The following USH2A variants were observed in gnomAD, a reference collection of about 807,000 sequenced individuals.
The protein encoded by USH2A is Usher syndrome 2A (autosomal recessive, mild).
In USH2A, 443 loss-of-function variants were observed where a neutral mutation model predicts 538.9. The ratio of observed to expected loss-of-function variants is 0.82; its 90% CI spans 0.76 to 0.89. The LOEUF is 0.89. Ranked by LOEUF, USH2A falls within the 40% of genes least tolerant of loss-of-function variation. USH2A has a pLI of 0.00. For synonymous variants in USH2A, 2,413 were observed against 2,273.5 expected, an observed-to-expected ratio of 1.06 and a Z score of -1.75; for missense variants, 6,633 against 6,324.8, an observed-to-expected ratio of 1.05 and a Z score of -1.65.
intron 62 of USH2A, among the ~76,000 whole-genome samples, chr1:215,675,841 A>T (rs1658006451): frequency 6.6e-6 from 1 of 151,414 alleles, no homozygotes; most frequent in African/African-American, 2.4e-5. Flanking sequence ...CTTTTTTTTC[A>T]GTTTGGGAAC....
chr1:215,694,410 A>G (rs1206685182), intron 61 of USH2A, among the ~76,000 whole-genome samples: 2 of 152,126 alleles, frequency 1.3e-5, no homozygotes, highest in Non-Finnish European at 2.9e-5. Flanking sequence ...CGTTTCTACT[A>G]AAAATACCAA....
intron 21 of USH2A, chr1:216,174,547 C>T: frequency 2.0e-6 from 2 of 982,910 alleles, no homozygotes; most frequent in Non-Finnish European, 2.4e-6. Context: ...ATAGTGCTTT[C>T]ACATTGATTT....
chr1:216,407,051 A>G (rs558381890), intron 3 of USH2A, among the ~76,000 whole-genome samples: 148 of 152,122 alleles, frequency 9.7e-4, no homozygotes, highest in African/African-American at 3.4e-3. Context: ...ATCCCTAGCT[A>G]TGTCACATGA....
chr1:215,999,075 A>C lies in USH2A; in HGVS notation c.6486-17T>G, dbSNP rs377684420. On this transcript the variant is annotated splice_polypyrimidine_tract_variant and intron_variant, in intron 33 of 71. Coordinates refer to ENST00000307340, the MANE Select transcript of USH2A (RefSeq NM_206933.4). Reference sequence around the variant, plus strand: ...TGTTTCCACCTGGGAATGGTAAAATACATTATTATCATTCATTCAAGTCAA... The same window carrying C: ...TGTTTCCACCTGGGAATGGTAAAATCCATTATTATCATTCATTCAAGTCAA... 1.9e-5 allele frequency: 30 copies of C among 1,599,282 alleles called. No homozygotes were observed. The highest frequency in any genetic ancestry group is 2.5e-5 in the Non-Finnish European group (29 of 1,167,744).
intron 38 of USH2A, among the ~76,000 whole-genome samples, chr1:215,915,715 C>A: frequency 6.6e-6 from 1 of 151,866 alleles, no homozygotes; most frequent in Non-Finnish European, 1.5e-5. Context: ...ATAAATCATG[C>A]TGCTATAAAG....
Position 215,889,003 on chromosome 1 carries a change from A to T in USH2A, c.7646T>A (p.Met2549Lys). 1.2e-6 allele frequency: 2 copies of T among 1,614,102 alleles called. No homozygotes were observed. Among genetic ancestry groups the T allele is most frequent in the South Asian group, 2.2e-5 (2 of 91,088 alleles). The change falls in exon 41 of 72, where the codon ATG becomes AAG. Residue 2549 changes from methionine (M) to lysine (K), a missense_variant. By Grantham distance (95) the Met-to-Lys change is moderately conservative (BLOSUM62 -1). Transcript: ENST00000307340. ...PILLDVKSRM[M>K]LVTWQHPRKS... ...TCTAGGATGCTGCCAGGTGACCAAC[A>T]TCATTCTTGACTTCACATCCAGAAG...
At chr1:216,414,774 T>C (rs1242394410) in intron 3 of USH2A, among the ~76,000 whole-genome samples, 3 of 152,068 alleles carry the variant, frequency 2.0e-5, no homozygotes, top group Non-Finnish European at 2.9e-5. Context: ...TTTGTGGCCA[T>C]TTGGAAGATG....
intron 37 of USH2A, among the ~76,000 whole-genome samples, chr1:215,946,913 T>G (rs1391628118): frequency 6.6e-6 from 1 of 152,192 alleles, no homozygotes; most frequent in African/African-American, 2.4e-5. Flanking sequence ...AATTGAAATA[T>G]CCTATAAGTG....
intron 21 of USH2A, among the ~76,000 whole-genome samples, chr1:216,151,194 G>A (rs2033824683): frequency 6.6e-6 from 1 of 152,030 alleles, no homozygotes; most frequent in African/African-American, 2.4e-5. Context: ...TACAACCTCT[G>A]ACAGCTGCCG....
chr1:216,206,497 C>T lies in USH2A; in HGVS notation c.3316+776G>A, dbSNP rs191373167. Among the ~76,000 whole-genome samples the T allele has an allele frequency of 2.1e-3, 326 of 152,162 alleles. 4 individuals are homozygous for T. The highest frequency in any genetic ancestry group is 6.8e-3 in the Middle Eastern group (2 of 294). ...TCCTGTTCCTATGAGAATCTCATGC[C>T]GCCACAGAACTGACAGGAGGCAGGG... On this transcript the variant is annotated intron_variant, in intron 16 of 71. Transcript: ENST00000307340.
At position 215,985,860 on chromosome 1, in the gene USH2A, G is replaced by GT. The variant is rs918418565; in HGVS notation, c.6805+7159dup. ...ATAAGCTCAAAACACTGAGCCAAATGTTTTTTTTAAATAACGTTCTATTGT... is the reference window on the plus strand; with the variant it reads ...ATAAGCTCAAAACACTGAGCCAAATGTTTTTTTTTAAATAACGTTCTATTGT... On this transcript the variant is annotated intron_variant, in intron 35 of 71. Transcript: ENST00000307340. 3.5e-3 allele frequency among the ~76,000 whole-genome samples: 526 copies of GT among 151,858 alleles called. 2 individuals are homozygous for GT. The highest frequency in any genetic ancestry group is 0.012 in the African/African-American group (506 of 41,414).
chr1:216,001,924 C>A (rs1447762515), intron 32 of USH2A, among the ~76,000 whole-genome samples: 1 of 152,100 alleles, frequency 6.6e-6, no homozygotes, highest in Non-Finnish European at 1.5e-5. Context: ...TTTGATTAAA[C>A]CTTGTTTTCT....
intron 38 of USH2A, among the ~76,000 whole-genome samples, chr1:215,932,684 T>C (rs1666394682): frequency 6.6e-6 from 1 of 152,002 alleles, no homozygotes; most frequent in African/African-American, 2.4e-5. Context: ...AAGGACTGAC[T>C]CCCAAATTCT....
chr1:216,336,659 A>C (rs1163297026), intron 4 of USH2A, among the ~76,000 whole-genome samples: 1 of 151,472 alleles, frequency 6.6e-6, no homozygotes, highest in African/African-American at 2.4e-5. Context: ...AAGAAAATTA[A>C]ATGGAAAAAG....
chr1:216,211,117 CGTATCTTGTCCTATGCATTGCTTCATCT>C (rs2035232524), intron 15 of USH2A, among the ~76,000 whole-genome samples: 1 of 152,068 alleles, frequency 6.6e-6, no homozygotes, highest in Non-Finnish European at 1.5e-5. Flanking sequence ...CCCCTTTCCA[CGTATCTTGTCCTATGCATTGCTTCATCT>C]GTATCTTTGC....
chr1:215,808,097 G>A (rs559359199), intron 49 of USH2A, among the ~76,000 whole-genome samples: 6 of 151,980 alleles, frequency 3.9e-5, no homozygotes, highest in South Asian at 4.2e-4. Flanking sequence ...ATCAAACCAC[G>A]GAAACACTAC....
At chr1:216,332,979 T>C (rs1278810762) in intron 4 of USH2A, among the ~76,000 whole-genome samples, 1 of 151,978 alleles carries the variant, frequency 6.6e-6, no homozygotes, top group African/African-American at 2.4e-5. Flanking sequence ...AAATGGGCAA[T>C]GGAAATGGGT....
At chr1:215,816,961 A>C (rs781354669) in intron 48 of USH2A, 36 bp downstream of exon 48, 2 of 1,607,452 alleles carry the variant, frequency 1.2e-6, no homozygotes, top group Non-Finnish European at 1.7e-6. Flanking sequence ...TTGAGTGAGA[A>C]AAACATGGTT....
chr1:216,122,161 G>C (rs1448272426), intron 21 of USH2A, among the ~76,000 whole-genome samples: 4 of 152,168 alleles, frequency 2.6e-5, no homozygotes, highest in Admixed American at 1.3e-4. Flanking sequence ...CATCAGATCT[G>C]TTATGAAAGG....
Sources: allele counts gnomAD v4.1 joint callset (sites outside exome capture counted in the v4.1 genomes callset), GRCh38; gene constraint gnomAD v4.1.1; transcripts MANE v1.5; gene names NCBI Gene and HGNC (gene_info 2026-07-23, HGNC 2026-07-21).